The following SPTSSA variants were observed in gnomAD, a reference collection of about 807,000 sequenced individuals.
SPTSSA encodes the protein small subunit of serine palmitoyltransferase A.
Under a neutral mutation model 9.1 loss-of-function variants are expected in SPTSSA, and 8 were observed. That is an observed-to-expected ratio of 0.88 (90% CI 0.51 to 1.58). The LOEUF is 1.58. Ranked by LOEUF, SPTSSA falls within the 40% of genes most tolerant of loss-of-function variation. The pLI is 0.00. For synonymous variants in SPTSSA, 42 were observed against 37.7 expected (o/e 1.11, Z -0.41); for missense variants, 100 against 93.8 (o/e 1.07, Z -0.27).
At chr14:34,444,634 C>G (rs1184604113) in intron 1 of SPTSSA, among the ~76,000 whole-genome samples, 1 of 151,870 alleles carries the variant, frequency 6.6e-6, no homozygotes, top group African/African-American at 2.4e-5. Flanking sequence ...CACCTGTAAC[C>G]CCAGCTACCT....
At chr14:34,438,901 A>G (rs1883279294) in intron 1 of SPTSSA, among the ~76,000 whole-genome samples, 1 of 152,188 alleles carries the variant, frequency 6.6e-6, no homozygotes, top group Non-Finnish European at 1.5e-5. Flanking sequence ...TCCAATGTCT[A>G]TAAGACAGCA....
At chr14:34,452,109 C>T (rs1345107971) in intron 1 of SPTSSA, among the ~76,000 whole-genome samples, 2 of 151,842 alleles carry the variant, frequency 1.3e-5, no homozygotes, top group East Asian at 3.9e-4. Context: ...ATTAGCCAGA[C>T]GCAGTGACGC....
intron 1 of SPTSSA, among the ~76,000 whole-genome samples, chr14:34,452,856 T>A (rs1883552477): frequency 6.6e-6 from 1 of 152,198 alleles, no homozygotes; most frequent in African/African-American, 2.4e-5. Flanking sequence ...AGGAGCTATA[T>A]TCCTTCATAT....
intron 1 of SPTSSA, among the ~76,000 whole-genome samples, chr14:34,457,971 G>C (rs77662312): frequency 3.7e-5 from 2 of 54,716 alleles, no homozygotes; most frequent in Non-Finnish European, 6.4e-5. Flanking sequence ...GACTGTCTCG[G>C]AAAAAAAAAA....
chr14:34,443,198 G>T (rs111273482), intron 1 of SPTSSA, among the ~76,000 whole-genome samples: 3,792 of 11,342 alleles, frequency 0.33, 867 homozygotes, highest in Middle Eastern at 0.5. Flanking sequence ...TCCTCTAGGG[G>T]GTGTGTGTGT....
At chr14:34,459,184 C>A (rs1299797074) in intron 1 of SPTSSA, among the ~76,000 whole-genome samples, 1 of 152,028 alleles carries the variant, frequency 6.6e-6, no homozygotes, top group Non-Finnish European at 1.5e-5. Context: ...GTAATCCCAG[C>A]ACTTTTGGGA....
At chr14:34,452,724 G>A (rs992802071) in intron 1 of SPTSSA, among the ~76,000 whole-genome samples, 1 of 152,108 alleles carries the variant, frequency 6.6e-6, no homozygotes, top group African/African-American at 2.4e-5. Context: ...ATTACCCTCA[G>A]GAAGATTTGA....
intron 1 of SPTSSA, among the ~76,000 whole-genome samples, chr14:34,442,469 C>G (rs886775713): frequency 6.6e-6 from 1 of 152,202 alleles, no homozygotes; most frequent in African/African-American, 2.4e-5. Flanking sequence ...TCTGGCACTC[C>G]AAGATTGGAC....
intron 1 of SPTSSA, among the ~76,000 whole-genome samples, chr14:34,459,601 C>T (rs113673276): frequency 1.1e-4 from 16 of 151,744 alleles, no homozygotes; most frequent in South Asian, 4.2e-4. Flanking sequence ...GCCAACATGG[C>T]GAAACCCCAT....
At chr14:34,452,021 C>T (rs1437303695) in intron 1 of SPTSSA, among the ~76,000 whole-genome samples, 2 of 151,832 alleles carry the variant, frequency 1.3e-5, no homozygotes, top group Non-Finnish European at 2.9e-5. Context: ...TGGTGGCTCA[C>T]GCCTGTAATC....
At chr14:34,443,738 G>A (rs1430976823) in intron 1 of SPTSSA, among the ~76,000 whole-genome samples, 1 of 152,084 alleles carries the variant, frequency 6.6e-6, no homozygotes, top group South Asian at 2.1e-4. Flanking sequence ...GTTTCACCAT[G>A]TTGGTCAGGC....
chr14:34,450,745 T>C (rs2138829157), intron 1 of SPTSSA, among the ~76,000 whole-genome samples: 1 of 152,314 alleles, frequency 6.6e-6, no homozygotes, highest in Middle Eastern at 3.4e-3. Context: ...GTACATTGCT[T>C]GGTAAAGCAG....
intron 1 of SPTSSA, among the ~76,000 whole-genome samples, chr14:34,443,614 C>A (rs1883369374): frequency 1.3e-5 from 2 of 149,088 alleles, no homozygotes; most frequent in African/African-American, 2.5e-5. Flanking sequence ...TAGCTCACTG[C>A]AACCTCTGCC....
In SPTSSA at chr14:34,443,134, G is replaced by GGTGTGTGTGTGTGTGT. The variant is rs376742613; in HGVS notation, c.113-7846_113-7831dup. Among the ~76,000 whole-genome samples the GGTGTGTGTGTGTGTGT allele has an allele frequency of 4.0e-3, 148 of 36,974 alleles. 9 individuals carry two copies. Among genetic ancestry groups the GGTGTGTGTGTGTGTGT allele is most frequent in the Non-Finnish European group, 5.4e-3 (121 of 22,604 alleles). The allele number at this position is 36,974 out of a possible 152,430, so 24.3% of individuals were successfully genotyped here. A position where few individuals can be genotyped will look rare whatever the true frequency, so the allele number is the denominator to read the frequency against. ...TTCAAGCGATTCTCCTGCTTCTAGG[G>GGTGTGTGTGTGTGTGT]GTGTGTGTGTGTGTGTGTGTGTGTG... is the stretch of plus-strand genomic sequence containing the variant. On this transcript the variant is annotated intron_variant, in intron 1 of 1. Coordinates refer to ENST00000298130, the MANE Select transcript of SPTSSA (RefSeq NM_138288.4).
intron 1 of SPTSSA, among the ~76,000 whole-genome samples, chr14:34,461,709 G>A (rs892101702): frequency 6.6e-6 from 1 of 152,232 alleles, no homozygotes; most frequent in Non-Finnish European, 1.5e-5. Flanking sequence ...TCCAAGCCGG[G>A]AGCGATGTGC....
At position 34,462,204 on chromosome 14, in the gene SPTSSA, C is replaced by A. The variant is rs963887306; in HGVS notation, c.4G>T (p.Ala2Ser). 17 of 1,528,756 alleles carry A rather than the reference C, an allele frequency of 1.1e-5. No individual in the cohort carries two copies. The highest frequency in any genetic ancestry group is 1.2e-5 in the South Asian group (1 of 86,388). 94.7% of individuals were successfully genotyped at this position (1,528,756 alleles called of 1,614,324 possible). Residue 2 changes from alanine (A) to serine (S), a missense_variant, in exon 1 of 2, where the codon GCG becomes TCG. Coordinates refer to ENST00000298130, the MANE Select transcript of SPTSSA (RefSeq NM_138288.4). ...CAGGCCCGCGCCAGCGCCATCCCCG[C>A]CATGCGCCTCCCGCGATGCAGCTCA... The part of the protein sequence containing the change: M[A>S]GMALARAWKQ...
At chr14:34,449,503 C>CTTTTTTTTT (rs35238717) in intron 1 of SPTSSA, among the ~76,000 whole-genome samples, 14 of 123,712 alleles carry the variant, frequency 1.1e-4, no homozygotes, top group African/African-American at 3.7e-4. Context: ...CCCGGCCTCC[C>CTTTTTTTTT]TTTTTTTTTT....
At chr14:34,450,249 TATTA>T (rs1405237447) in intron 1 of SPTSSA, among the ~76,000 whole-genome samples, 5 of 152,214 alleles carry the variant, frequency 3.3e-5, no homozygotes, top group African/African-American at 1.2e-4. Context: ...ACTAATTTGT[TATTA>T]ATTTACAGTG....
At chr14:34,441,660 C>T (rs1412818261) in intron 1 of SPTSSA, among the ~76,000 whole-genome samples, 1 of 150,968 alleles carries the variant, frequency 6.6e-6, no homozygotes, top group Non-Finnish European at 1.5e-5. Context: ...ACAGGGGACT[C>T]TCTCTCTCTC....
Sources: gnomAD v4.1 joint callset for allele counts (sites outside exome capture counted in the v4.1 genomes callset) on GRCh38, gnomAD v4.1.1 for gene constraint, MANE v1.5 for transcripts, NCBI Gene and HGNC (gene_info 2026-07-23, HGNC 2026-07-21) for gene names.